The following ESF1 variants were observed in gnomAD, a reference collection of about 807,000 sequenced individuals.
ESF1 encodes the protein ESF1 homolog.
In ESF1, 58 loss-of-function variants were observed where a neutral mutation model predicts 92.0. The ratio of observed to expected loss-of-function variants is 0.63; its 90% CI spans 0.51 to 0.78. ESF1 has a LOEUF of 0.78. Among genes scored for constraint, ESF1 ranks in the 30% least tolerant of loss-of-function variants. The pLI is 0.00. For missense variants in ESF1, 922 were observed against 989.1 expected (o/e 0.93, Z 0.91); for synonymous variants, 321 against 313.7 (o/e 1.02, Z -0.24).
intron 9 of ESF1, among the ~76,000 whole-genome samples, chr20:13,754,119 C>A (rs1374748141): frequency 6.6e-6 from 1 of 152,122 alleles, no homozygotes; most frequent in Non-Finnish European, 1.5e-5. Context: ...TTCTTCTCTT[C>A]CCATTCTTCC....
intron 6 of ESF1, among the ~76,000 whole-genome samples, chr20:13,771,044 C>T (rs1258238537): frequency 6.6e-6 from 1 of 152,162 alleles, no homozygotes; most frequent in Non-Finnish European, 1.5e-5. Context: ...TGGTTCCTAG[C>T]TCTAAAAGCA....
At chr20:13,777,279 G>A (rs73100143) in intron 2 of ESF1, among the ~76,000 whole-genome samples, 3,437 of 152,248 alleles carry the variant, frequency 0.023, 44 homozygotes, top group Middle Eastern at 0.051. Context: ...GATTTGACAC[G>A]GGGACTGGGA....
chr20:13,754,728 G>A (rs1978808374), intron 9 of ESF1, among the ~76,000 whole-genome samples: 1 of 152,156 alleles, frequency 6.6e-6, no homozygotes, highest in South Asian at 2.1e-4. Flanking sequence ...GAATGATCCT[G>A]TTAAATATAA....
chr20:13,731,415 C>T (rs2049941802), intron 10 of ESF1, among the ~76,000 whole-genome samples: 1 of 151,716 alleles, frequency 6.6e-6, no homozygotes, highest in East Asian at 1.9e-4. Flanking sequence ...GCCTGTAGTC[C>T]CAGCTACTCG....
intron 11 of ESF1, among the ~76,000 whole-genome samples, chr20:13,723,802 C>T (rs919178096): frequency 2.0e-5 from 3 of 152,170 alleles, no homozygotes; most frequent in African/African-American, 7.2e-5. Flanking sequence ...ACACTGAAAA[C>T]ACTAGTGTGC....
At chr20:13,745,238 T>C (rs1368036159) in intron 9 of ESF1, among the ~76,000 whole-genome samples, 3 of 152,212 alleles carry the variant, frequency 2.0e-5, no homozygotes, top group Non-Finnish European at 2.9e-5. Flanking sequence ...CAAGAAATTC[T>C]ACATGTATCC....
intron 9 of ESF1, among the ~76,000 whole-genome samples, chr20:13,739,924 G>A (rs962277192): frequency 6.6e-6 from 1 of 152,154 alleles, no homozygotes; most frequent in Non-Finnish European, 1.5e-5. Context: ...ATTAAGCCAA[G>A]ATGCTTAAGG....
At position 13,718,957 on chromosome 20, in the gene ESF1, G is replaced by A. The variant is rs761382522; in HGVS notation, c.2066C>T (p.Ala689Val). The change falls in exon 12 of 14, where the codon GCA (alanine) becomes GTA (valine). Residue 689 changes from alanine to valine, a missense_variant. Coordinates refer to ENST00000617257, the MANE Select transcript of ESF1 (RefSeq NM_001276380.2). ...TTCTTCTGGAGATGTGCCATCTTTTGCAGATTTTACCGATTTTTTATTTAT... is the reference window on the plus strand; with the variant it reads ...TTCTTCTGGAGATGTGCCATCTTTTACAGATTTTACCGATTTTTTATTTAT... Reference protein sequence around the residue: ...IGINKKSVKSAKDGTSPEEEI... With the variant: ...IGINKKSVKSVKDGTSPEEEI... 1.2e-6 allele frequency: 2 copies of A among 1,603,394 alleles called. No homozygotes were observed. The highest frequency in any genetic ancestry group is 1.7e-6 in the Non-Finnish European group (2 of 1,176,664).
At chr20:13,757,279 T>C (rs1171058690) in intron 9 of ESF1, among the ~76,000 whole-genome samples, 1 of 152,176 alleles carries the variant, frequency 6.6e-6, no homozygotes, top group African/African-American at 2.4e-5. Context: ...TATAAAAAGA[T>C]AAGGTACCAT....
intron 6 of ESF1, among the ~76,000 whole-genome samples, chr20:13,770,644 A>C (rs1005416064): frequency 1.9e-4 from 29 of 152,242 alleles, no homozygotes; most frequent in African/African-American, 6.5e-4. Context: ...TACTATGCCC[A>C]GCTGGCTATA....
At position 13,759,971 on chromosome 20, in the gene ESF1, C is replaced by T. The variant is rs1979086466; in HGVS notation, c.1667-118G>A. On this transcript the variant is annotated intron_variant, in intron 8 of 13. Coordinates refer to ENST00000617257, the MANE Select transcript of ESF1 (RefSeq NM_001276380.2). ...TAGACCACAGGATATCAAAATCAGA[C>T]TTAAATTTCTGAATATTAAATGAAA... 9.3e-6 allele frequency: 13 copies of T among 1,394,972 alleles called. No individual in the cohort carries two copies. The South Asian group carries it at 2.1e-4, about 23-fold the overall frequency. 86.4% of individuals were successfully genotyped at this position (1,394,972 alleles called of 1,614,324 possible). A position where few individuals can be genotyped will look rare whatever the true frequency, so the allele number is the denominator to read the frequency against.
chr20:13,781,212 T>G (rs1980171908), intron 2 of ESF1, among the ~76,000 whole-genome samples: 1 of 152,338 alleles, frequency 6.6e-6, no homozygotes, highest in African/African-American at 2.4e-5. Context: ...TGGTAGCCAG[T>G]AGTCACATGT....
chr20:13,730,841 G>C lies in ESF1; in HGVS notation c.1951-2376C>G, dbSNP rs564499753. ...CAACAACAGCTAGATCAAAATACTA[G>C]ATAACACGGCATATATCAGGTATTC... On this transcript the variant is annotated intron_variant, in intron 10 of 13. Transcript: ENST00000617257. Among the ~76,000 whole-genome samples the C allele has an allele frequency of 9.9e-5, 15 of 151,442 alleles. No individual in the cohort carries two copies. The East Asian group carries it at 2.3e-3, about 24-fold the overall frequency.
rs1390561024 is a variant in ESF1, at chr20:13,749,545, T to C, written c.1828+10147A>G. ...TTTTCCACATCACTGAATGGGTAGA[T>C]TGAGCAAGGATATGTCTTTTTTATT... On this transcript the variant is annotated intron_variant, in intron 9 of 13. Transcript: ENST00000617257. Among the ~76,000 whole-genome samples, 4 of 151,958 alleles carry C rather than the reference T, an allele frequency of 2.6e-5. No homozygotes were observed. In the East Asian group the frequency reaches 7.8e-4, roughly 29 times the overall value.
At chr20:13,715,322 C>T (rs2049817255) in intron 13 of ESF1, among the ~76,000 whole-genome samples, 155 bp from the exon 14 acceptor site, 1 of 152,074 alleles carries the variant, frequency 6.6e-6, no homozygotes, top group South Asian at 2.1e-4. Context: ...AACTGTTTTT[C>T]CATAGCTCTT....
intron 11 of ESF1, 51 bp downstream of exon 11, chr20:13,728,327 C>T (rs1006561364): frequency 2.4e-5 from 33 of 1,392,802 alleles, no homozygotes; most frequent in Non-Finnish European, 3.2e-5. Context: ...CCATGTACCT[C>T]ACCTTTTTCT....
At chr20:13,745,448 T>G (rs1243587794) in intron 9 of ESF1, among the ~76,000 whole-genome samples, 1 of 152,198 alleles carries the variant, frequency 6.6e-6, no homozygotes, top group Middle Eastern at 3.2e-3. Flanking sequence ...ATAGAATGTT[T>G]AATTTTATTT....
At position 13,721,362 on chromosome 20, in the gene ESF1, T is replaced by C. The variant is rs143398861; in HGVS notation, c.2039-2378A>G. On this transcript the variant is annotated intron_variant, in intron 11 of 13. Coordinates refer to ENST00000617257, the MANE Select transcript of ESF1 (RefSeq NM_001276380.2). ...ACAAGCCGTGAACAAGAGGTTAAAA[T>C]CGTCTCTCATGTAGTATACCTTCAC... 4.7e-3 allele frequency among the ~76,000 whole-genome samples: 720 copies of C among 152,272 alleles called. 9 individuals are homozygous for C. Among genetic ancestry groups the C allele is most frequent in the Middle Eastern group, 0.01 (3 of 294 alleles).
chr20:13,783,799 G>A (rs1980420160), intron 1 of ESF1, among the ~76,000 whole-genome samples: 1 of 152,186 alleles, frequency 6.6e-6, no homozygotes, highest in Non-Finnish European at 1.5e-5. Context: ...GGGCAACAGA[G>A]TGAGACCCTG....
Sources: allele counts gnomAD v4.1 joint callset (sites outside exome capture counted in the v4.1 genomes callset), GRCh38; gene constraint gnomAD v4.1.1; transcripts MANE v1.5; gene names NCBI Gene and HGNC (gene_info 2026-07-23, HGNC 2026-07-21).